FGF1: variants seen among roughly 807,000 people sequenced by gnomAD.
FGF1 encodes fibroblast growth factor 1.
A neutral mutation model predicts 13.4 loss-of-function variants in FGF1; 9 were observed. The observed-to-expected ratio is 0.67, with a 90% CI of 0.40 to 1.17. The LOEUF is 1.17. Ranked by LOEUF, FGF1 falls within the 50% of genes most tolerant of loss-of-function variation. The pLI, the probability that FGF1 is intolerant of heterozygous loss-of-function variation, is 0.01. For missense variants in FGF1, 156 were observed against 192.7 expected, an observed-to-expected ratio of 0.81 and a Z score of 1.13; for synonymous variants, 93 against 79.0, an observed-to-expected ratio of 1.18 and a Z score of -0.94.
intron 2 of FGF1, among the ~76,000 whole-genome samples, chr5:142,612,145 G>A (rs1759192675): frequency 6.6e-6 from 1 of 152,190 alleles, no homozygotes; most frequent in Admixed American, 6.5e-5. Context: ...TGCACTCCCA[G>A]GGCTACGTTG....
At chr5:142,604,991 C>T (rs1220564925) in intron 2 of FGF1, among the ~76,000 whole-genome samples, 1 of 152,198 alleles carries the variant, frequency 6.6e-6, no homozygotes, top group Non-Finnish European at 1.5e-5. Flanking sequence ...GCCTGGGACT[C>T]TTTTCAACCT....
intron 1 of FGF1, among the ~76,000 whole-genome samples, chr5:142,651,570 T>C (rs1767254127): frequency 6.6e-6 from 1 of 152,188 alleles, no homozygotes; most frequent in African/African-American, 2.4e-5. Flanking sequence ...GACAAGTGTA[T>C]AGTGACGTAT....
upstream of FGF1, among the ~76,000 whole-genome samples, chr5:142,690,066 A>G (rs1751924048): frequency 6.6e-6 from 1 of 150,490 alleles, no homozygotes; most frequent in Non-Finnish European, 1.5e-5. Flanking sequence ...TCACGCCTGT[A>G]ATCCCAGCAC....
chr5:142,618,607 A>C (rs750622989), intron 1 of FGF1, among the ~76,000 whole-genome samples: 32 of 152,298 alleles, frequency 2.1e-4, no homozygotes, highest in South Asian at 2.1e-4. Context: ...GAAGTTTTTC[A>C]TTCCCATATT....
chr5:142,606,101 A>T (rs2151842699), intron 2 of FGF1, among the ~76,000 whole-genome samples: 1 of 152,264 alleles, frequency 6.6e-6, no homozygotes, highest in Non-Finnish European at 1.5e-5. Flanking sequence ...CTTCTGCATG[A>T]TTAGGGATAC....
intron 2 of FGF1, among the ~76,000 whole-genome samples, chr5:142,697,151 G>A (rs1334571714): frequency 6.6e-6 from 1 of 152,178 alleles, no homozygotes; most frequent in African/African-American, 2.4e-5. Context: ...GAAGAGATGG[G>A]GAAGGGAGGT....
chr5:142,627,372 C>T (rs1013989936), intron 1 of FGF1, among the ~76,000 whole-genome samples: 12 of 152,226 alleles, frequency 7.9e-5, no homozygotes, highest in East Asian at 1.9e-4. Context: ...CCCTCAGTCC[C>T]GAAATACCAG....
intron 1 of FGF1, among the ~76,000 whole-genome samples, chr5:142,631,929 G>A (rs927470506): frequency 3.9e-5 from 6 of 151,992 alleles, no homozygotes; most frequent in East Asian, 1.9e-4. Context: ...GACTACAGGC[G>A]TGTGCCACCA....
At chr5:142,632,769 T>C (rs1353257529) in intron 1 of FGF1, among the ~76,000 whole-genome samples, 1 of 152,190 alleles carries the variant, frequency 6.6e-6, no homozygotes, top group Non-Finnish European at 1.5e-5. Context: ...TACACCTTCA[T>C]TTGTAATGGT....
chr5:142,627,709 G>A (rs1196985591), intron 1 of FGF1, among the ~76,000 whole-genome samples: 2 of 152,246 alleles, frequency 1.3e-5, no homozygotes, highest in Admixed American at 6.5e-5. Flanking sequence ...TGGTATCACA[G>A]CCAAAGGGCA....
At chr5:142,695,368 G>C (rs1193556626) in intron 2 of FGF1, among the ~76,000 whole-genome samples, 1 of 152,108 alleles carries the variant, frequency 6.6e-6, no homozygotes, top group East Asian at 1.9e-4. Flanking sequence ...CCTGAGGTCA[G>C]GAGGTCAGTT....
rs948193759 is a variant in FGF1 at position 142,595,002 on chromosome 5, T to G, written c.*288A>C. 2.9e-6 allele frequency: 1 copy of G among 344,152 alleles called. No individual in the cohort carries two copies. The highest frequency in any genetic ancestry group is 5.3e-6 in the Non-Finnish European group (1 of 189,680). The allele number at this position is 344,152 out of a possible 1,614,324, so 21.3% of individuals were successfully genotyped here. ...AACACACTTCATTTAGCCCCACTTT[T>G]GCATGGAGGGACTCAGCCTGCAAGA... On this transcript the variant is annotated 3_prime_UTR_variant, in exon 4 of 4. Transcript: ENST00000337706.
intron 2 of FGF1, among the ~76,000 whole-genome samples, chr5:142,694,381 C>T (rs1035445513): frequency 9.2e-5 from 14 of 152,078 alleles, no homozygotes; most frequent in Non-Finnish European, 1.2e-4. Context: ...AAGAAAATGA[C>T]GTAAATCAAT....
At chr5:142,598,159 A>C (rs1724736223) in intron 3 of FGF1, among the ~76,000 whole-genome samples, 1 of 152,024 alleles carries the variant, frequency 6.6e-6, no homozygotes, top group South Asian at 2.1e-4. Context: ...TGGGTTGCCC[A>C]CTCCCTTGTA....
At chr5:142,600,897 T>A in intron 2 of FGF1, 92 bp from the exon 3 acceptor site, 1 of 848,030 alleles carries the variant, frequency 1.2e-6, no homozygotes, top group Admixed American at 2.1e-5. Flanking sequence ...TGGAAAATTC[T>A]GCTCATTCAT....
At chr5:142,697,033 G>A (rs1344752773) in intron 2 of FGF1, among the ~76,000 whole-genome samples, 1 of 152,064 alleles carries the variant, frequency 6.6e-6, no homozygotes, top group Non-Finnish European at 1.5e-5. Flanking sequence ...TGAAGTCTGT[G>A]TACAGAGCAA....
intron 1 of FGF1, among the ~76,000 whole-genome samples, chr5:142,646,094 A>C (rs539246776): frequency 5.3e-4 from 80 of 150,776 alleles, no homozygotes; most frequent in Non-Finnish European, 8.1e-4. Context: ...TATTTGTAGT[A>C]GAGATGGGGT....
chr5:142,608,756 T>C (rs1758387728), intron 2 of FGF1, among the ~76,000 whole-genome samples: 1 of 144,550 alleles, frequency 6.9e-6, no homozygotes, highest in African/African-American at 2.5e-5. Flanking sequence ...ATAGTATATA[T>C]ACACATATAT....
rs376718937 is a variant in FGF1 at position 142,679,239 on chromosome 5, C to A, written c.-35+6718G>T. Among the ~76,000 whole-genome samples, 53 of 152,298 alleles carry A rather than the reference C, an allele frequency of 3.5e-4. No homozygotes were observed. In the East Asian group the frequency reaches 6.2e-3, roughly 18 times the overall value. ...CACTCAGCCACACTGGCCTTCCTCC[C>A]GCTCCTTGGTGATGCCAGGCTTCCT... On this transcript the variant is annotated intron_variant, in intron 1 of 3. Coordinates refer to ENST00000337706, the MANE Select transcript of FGF1 (RefSeq NM_000800.5).
Sources: allele counts gnomAD v4.1 joint callset (sites outside exome capture counted in the v4.1 genomes callset), GRCh38; gene constraint gnomAD v4.1.1; transcripts MANE v1.5; gene names NCBI Gene and HGNC (gene_info 2026-07-23, HGNC 2026-07-21).